AMMECR1L: variants seen among roughly 807,000 people sequenced by gnomAD.
AMMECR1L encodes the protein AMMECR1 like.
Under a neutral mutation model 36.8 loss-of-function variants are expected in AMMECR1L, and 4 were observed. The ratio of observed to expected loss-of-function variants is 0.11; its 90% confidence interval spans 0.05 to 0.25. The LOEUF is 0.25. Among genes scored for constraint, AMMECR1L ranks in the 10% least tolerant of loss-of-function variants. The pLI, the probability that AMMECR1L is intolerant of heterozygous loss-of-function variation, is 1.00. For synonymous variants in AMMECR1L, 147 were observed against 148.0 expected (o/e 0.99, Z 0.05); for missense variants, 232 against 392.1 (o/e 0.59, Z 3.45).
Position 127,870,858 on chromosome 2 carries a change from G to A in AMMECR1L, c.589C>T (p.Leu197Phe). 6.2e-7 allele frequency: 1 copy of A among 1,613,610 alleles called. No individual in the cohort carries two copies. The highest frequency in any genetic ancestry group is 8.5e-7 in the Non-Finnish European group (1 of 1,179,882). The change falls in exon 5 of 8, where the codon CTC becomes TTC. Residue 197 changes from leucine to phenylalanine, a missense_variant. Leu to Phe is a conservative substitution (Grantham distance 22). Coordinates refer to ENST00000272647, the MANE Select transcript of AMMECR1L (RefSeq NM_001199140.2). The part of the protein sequence containing the change: ...ELPKLFCSVS[L>F]LTNFEDASDY... ...CTGGCATCCTCAAAGTTAGTAAGGA[G>A]GGAGACAGAGCAGAAAAGTTTAGGC...
rs1690854057 is a variant in AMMECR1L, at chr2:127,869,397, T to G, written c.724+57A>C. The G allele has an allele frequency of 6.6e-7, 1 of 1,525,116 alleles. No individual in the cohort carries two copies. Among genetic ancestry groups the G allele is most frequent in the African/African-American group, 1.4e-5 (1 of 73,012 alleles). 94.5% of individuals were successfully genotyped at this position (1,525,116 alleles called of 1,614,324 possible). A position where few individuals can be genotyped will look rare whatever the true frequency, so the allele number is the denominator to read the frequency against. Reference sequence around the variant, plus strand: ...ATGACACACTTCACTTTCTTGCCCTTTAACTGGCACCACTGTGAATGATAC... The same window carrying G: ...ATGACACACTTCACTTTCTTGCCCTGTAACTGGCACCACTGTGAATGATAC... On this transcript the variant is annotated intron_variant, in intron 6 of 7. Transcript: ENST00000272647. This position sits in a 1 kb window ranked among gnomAD's most constrained non-coding sequence, Gnocchi z 4.7.
chr2:127,874,010 G>A lies in AMMECR1L; in HGVS notation c.225C>T (p.Pro75=), dbSNP rs1299722817. ...SDLTLGPGNS[P]ITRMNPASGA... The stretch of plus-strand genomic sequence containing the variant: ...CCGATGCGGGATTCATTCGTGTGAT[G>A]GGAGAGTTTCCAGGTCCCAGAGTTA... Residue 75 remains proline, a synonymous_variant, in exon 3 of 8, where the codon CCC becomes CCT. Transcript: ENST00000272647. This position sits in a 1 kb window ranked among gnomAD's most constrained non-coding sequence, Gnocchi z 5.2. 1 of 1,614,238 alleles carries A rather than the reference G, an allele frequency of 6.2e-7. No homozygotes were observed.
rs988285973 is a variant in AMMECR1L at position 127,873,621 on chromosome 2, G to A, written c.407+207C>T. 1.6e-5 allele frequency: 16 copies of A among 985,308 alleles called. No individual in the cohort carries two copies. The highest frequency in any genetic ancestry group is 1.8e-5 in the Non-Finnish European group (15 of 829,948). The allele number at this position is 985,308 out of a possible 1,614,324, so 61.0% of individuals were successfully genotyped here. A position where few individuals can be genotyped will look rare whatever the true frequency, so the allele number is the denominator to read the frequency against. On this transcript the variant is annotated intron_variant, in intron 3 of 7. Coordinates refer to ENST00000272647, the MANE Select transcript of AMMECR1L (RefSeq NM_001199140.2). This position sits in a 1 kb window ranked among gnomAD's most constrained non-coding sequence, Gnocchi z 5.2. The stretch of plus-strand genomic sequence containing the variant: ...ACATTACTTTAACAACAAGCCTACA[G>A]CCTCCTCCAAATGTGAACTGCTCCC...
chr2:127,873,677 A>G lies in AMMECR1L; in HGVS notation c.407+151T>C. Reference sequence around the variant, plus strand: ...TTACTGAATCCACTGAATGTTTTAAATATTCTCTGGACATTTCTTATCATT... The same window carrying G: ...TTACTGAATCCACTGAATGTTTTAAGTATTCTCTGGACATTTCTTATCATT... On this transcript the variant is annotated intron_variant, in intron 3 of 7. Coordinates refer to ENST00000272647, the MANE Select transcript of AMMECR1L (RefSeq NM_001199140.2). The surrounding 1 kb of genome is among the most constrained non-coding windows in gnomAD (Gnocchi z 5.2). 1.3e-6 allele frequency: 2 copies of G among 1,542,436 alleles called. No homozygotes were observed. The highest frequency in any genetic ancestry group is 1.7e-6 in the Non-Finnish European group (2 of 1,156,696).
chr2:127,873,104 T>C lies in AMMECR1L; in HGVS notation c.407+724A>G, dbSNP rs779497258. The C allele has an allele frequency of 1.0e-6, 1 of 985,204 alleles. No individual in the cohort carries two copies. The highest frequency in any genetic ancestry group is 1.2e-6 in the Non-Finnish European group (1 of 829,926). 61.0% of individuals were successfully genotyped at this position (985,204 alleles called of 1,614,324 possible). On this transcript the variant is annotated intron_variant, in intron 3 of 7. Coordinates refer to ENST00000272647, the MANE Select transcript of AMMECR1L (RefSeq NM_001199140.2). The surrounding 1 kb of genome is among the most constrained non-coding windows in gnomAD (Gnocchi z 5.2). ...TGAGGAATGAATAATCTCATATCAATGAACACTCCAAAAGCATACCCCCAA... is the reference window on the plus strand; with the variant it reads ...TGAGGAATGAATAATCTCATATCAACGAACACTCCAAAAGCATACCCCCAA...
intron 2 of AMMECR1L, among the ~76,000 whole-genome samples, chr2:127,876,224 T>C (rs1691236760): frequency 6.6e-6 from 1 of 151,578 alleles, no homozygotes; most frequent in Non-Finnish European, 1.5e-5. Flanking sequence ...GTGGCACATG[T>C]CTGTGGTCCC....
chr2:127,873,017 T>C lies in AMMECR1L; in HGVS notation c.407+811A>G. 1 of 985,414 alleles carries C rather than the reference T, an allele frequency of 1.0e-6. No homozygotes were observed. The highest frequency in any genetic ancestry group is 1.2e-6 in the Non-Finnish European group (1 of 829,924). The allele number at this position is 985,414 out of a possible 1,614,324, so 61.0% of individuals were successfully genotyped here. On this transcript the variant is annotated intron_variant, in intron 3 of 7. Transcript: ENST00000272647. The surrounding 1 kb of genome is among the most constrained non-coding windows in gnomAD (Gnocchi z 5.2). The stretch of plus-strand genomic sequence containing the variant: ...GGCCTCCCAAGGGAAGAGGCTCCTT[T>C]TCTTCACACCCTCTCCATGCCCCAG...
Position 127,863,568 on chromosome 2 carries a change from G to A in AMMECR1L, c.*1526C>T. 6.5e-6 allele frequency: 1 copy of A among 152,750 alleles called. No homozygotes were observed. 9.5% of individuals were successfully genotyped at this position (152,750 alleles called of 1,614,324 possible). A position where few individuals can be genotyped will look rare whatever the true frequency, so the allele number is the denominator to read the frequency against. ...TCTGAATATTTGCCCATTTCGGAAA[G>A]CCACACCATCACCACATAAACTTCA... On this transcript the variant is annotated 3_prime_UTR_variant, in exon 8 of 8. Transcript: ENST00000272647.
At chr2:127,870,341 G>A (rs1003595031) in intron 5 of AMMECR1L, among the ~76,000 whole-genome samples, 1 of 151,626 alleles carries the variant, frequency 6.6e-6, no homozygotes, top group African/African-American at 2.4e-5. Context: ...TGGGCATGGT[G>A]GTGGGCACCT....
rs1048094936 is a variant in AMMECR1L, at chr2:127,867,064, C to T, written c.725-68G>A. On this transcript the variant is annotated intron_variant, in intron 6 of 7. Coordinates refer to ENST00000272647, the MANE Select transcript of AMMECR1L (RefSeq NM_001199140.2). ...GAGTAAGGCATGCTCTCACATGGCCCGTGCAAGAAGAGAAATGGGACTCGA... is the reference window on the plus strand; with the variant it reads ...GAGTAAGGCATGCTCTCACATGGCCTGTGCAAGAAGAGAAATGGGACTCGA... 6.9e-6 allele frequency: 11 copies of T among 1,601,354 alleles called. No individual in the cohort carries two copies. The Admixed American group carries it at 1.0e-4, about 15-fold the overall frequency.
intron 2 of AMMECR1L, among the ~76,000 whole-genome samples, chr2:127,881,962 A>G (rs1024339555): frequency 2.0e-5 from 3 of 152,230 alleles, no homozygotes; most frequent in African/African-American, 7.2e-5. Context: ...CTGCCTTGAG[A>G]GTTGTACAGT....
chr2:127,874,169 C>T lies in AMMECR1L; in HGVS notation c.66G>A (p.Lys22=), dbSNP rs1691120433. Residue 22 remains lysine (K), a synonymous_variant, in exon 3 of 8, where the codon AAG becomes AAA. Transcript: ENST00000272647. The surrounding 1 kb of genome is among the most constrained non-coding windows in gnomAD (Gnocchi z 5.2). ...TTCCACTTCCAGATAATTTGGGCTT[C>T]TTGACCCCACAACAGCCTGCTGCCA... ...PKLAAGCCGV[K]KPKLSGSGTH... 10 of 1,614,202 alleles carry T rather than the reference C, an allele frequency of 6.2e-6. No homozygotes were observed. Among genetic ancestry groups the T allele is most frequent in the Non-Finnish European group, 8.5e-6 (10 of 1,180,038 alleles).
chr2:127,880,870 G>T (rs1573563939), intron 2 of AMMECR1L, among the ~76,000 whole-genome samples: 1 of 151,956 alleles, frequency 6.6e-6, no homozygotes, highest in Non-Finnish European at 1.5e-5. Flanking sequence ...GTGGAGTATC[G>T]CAGAACCTGA....
chr2:127,882,293 A>G (rs189567565), intron 2 of AMMECR1L, among the ~76,000 whole-genome samples: 2 of 152,204 alleles, frequency 1.3e-5, no homozygotes, highest in Non-Finnish European at 2.9e-5. Flanking sequence ...GTTATCATTT[A>G]GCATTTAGAT....
chr2:127,862,686 G>C lies in AMMECR1L; in HGVS notation c.*2408C>G, dbSNP rs1434163607. 6.6e-6 allele frequency: 1 copy of C among 152,646 alleles called. No homozygotes were observed. The highest frequency in any genetic ancestry group is 2.1e-4 in the South Asian group (1 of 4,828). 9.5% of individuals were successfully genotyped at this position (152,646 alleles called of 1,614,324 possible). ...CATTTCCATTGCTGGACTTGTGTGG[G>C]AGCATGAGGGAATGTGCAGGGAGTA... On this transcript the variant is annotated 3_prime_UTR_variant, in exon 8 of 8. Transcript: ENST00000272647.
In AMMECR1L at chr2:127,874,002, C is replaced by T; in HGVS notation, c.233G>A (p.Arg78Gln). 5.6e-6 allele frequency: 9 copies of T among 1,614,218 alleles called. No individual in the cohort carries two copies. The highest frequency in any genetic ancestry group is 1.1e-5 in the South Asian group (1 of 91,090). Reference protein sequence around the residue: ...TLGPGNSPITRMNPASGALSP... With the variant: ...TLGPGNSPITQMNPASGALSP... ...CAGCGCTCCCGATGCGGGATTCATT[C>T]GTGTGATGGGAGAGTTTCCAGGTCC... Residue 78 changes from arginine (R) to glutamine (Q), a missense_variant, in exon 3 of 8, where the codon CGA (arginine) becomes CAA (glutamine). Physicochemically the swap from Arg to Gln is conservative, Grantham distance 43. Coordinates refer to ENST00000272647, the MANE Select transcript of AMMECR1L (RefSeq NM_001199140.2). The surrounding 1 kb of genome is among the most constrained non-coding windows in gnomAD (Gnocchi z 5.2).
chr2:127,866,227 A>T (rs950915194), intron 7 of AMMECR1L, among the ~76,000 whole-genome samples: 1 of 152,334 alleles, frequency 6.6e-6, no homozygotes, highest in Admixed American at 6.5e-5. Context: ...AAGAGAACTA[A>T]CATCTCCTGA....
At position 127,874,272 on chromosome 2, in the gene AMMECR1L, C is replaced by T. The variant is rs1325561223; in HGVS notation, c.-38G>A. On this transcript the variant is annotated splice_region_variant and 5_prime_UTR_variant, in exon 3 of 8. Coordinates refer to ENST00000272647, the MANE Select transcript of AMMECR1L (RefSeq NM_001199140.2). The surrounding 1 kb of genome is among the most constrained non-coding windows in gnomAD (Gnocchi z 5.2). ...CTCAAGGTCTGGAATGCTGCAGAAC[C>T]CTAACCAAAATGAGAAGTTAAGCAT... 3 of 1,593,218 alleles carry T rather than the reference C, an allele frequency of 1.9e-6. No individual in the cohort carries two copies. Among genetic ancestry groups the T allele is most frequent in the Non-Finnish European group, 2.6e-6 (3 of 1,175,180 alleles).
chr2:127,880,948 T>C (rs571127528), intron 2 of AMMECR1L, among the ~76,000 whole-genome samples: 3 of 152,336 alleles, frequency 2.0e-5, no homozygotes, highest in East Asian at 1.9e-4. Context: ...AACCAAGGGA[T>C]AGTTTAATAA....
Sources: allele counts gnomAD v4.1 joint callset (sites outside exome capture counted in the v4.1 genomes callset), GRCh38; gene constraint gnomAD v4.1.1; non-coding constraint Gnocchi (gnomAD v3.1); transcripts MANE v1.5; gene names NCBI Gene and HGNC (gene_info 2026-07-23, HGNC 2026-07-21).